SEMA6D: variants seen among roughly 807,000 people sequenced by gnomAD.
SEMA6D encodes semaphorin-6D.
A neutral mutation model predicts 106.6 loss-of-function variants in SEMA6D; 35 were observed. That is an observed-to-expected ratio of 0.33 (90% CI 0.25 to 0.44). The LOEUF is 0.44. Among genes scored for constraint, SEMA6D ranks in the 20% least tolerant of loss-of-function variants. SEMA6D has a pLI of 1.00. For missense variants in SEMA6D, 1,185 were observed against 1,345.9 expected (o/e 0.88, Z 1.87); for synonymous variants, 499 against 487.7 (o/e 1.02, Z -0.31).
At chr15:47,489,947 C>A (rs939099793) in intron 3 of SEMA6D, among the ~76,000 whole-genome samples, 2 of 151,998 alleles carry the variant, frequency 1.3e-5, no homozygotes, top group Admixed American at 6.6e-5. Context: ...CCACCACTCT[C>A]GGCTGCACAG....
intron 4 of SEMA6D, among the ~76,000 whole-genome samples, chr15:47,629,477 G>A (rs2077258658): frequency 6.6e-6 from 1 of 151,840 alleles, no homozygotes; most frequent in South Asian, 2.1e-4. Flanking sequence ...ATATTTATCA[G>A]TACATGTGAG....
intron 1 of SEMA6D, among the ~76,000 whole-genome samples, chr15:47,322,281 T>TA (rs911464620): frequency 3.4e-5 from 5 of 146,260 alleles, no homozygotes; most frequent in African/African-American, 7.4e-5. Context: ...CACTAGTTAT[T>TA]TTTTTTTTTT....
intron 4 of SEMA6D, among the ~76,000 whole-genome samples, chr15:47,681,795 A>C (rs2078358298): frequency 6.6e-6 from 1 of 152,208 alleles, no homozygotes; most frequent in South Asian, 2.1e-4. Flanking sequence ...AACATTGTGA[A>C]ATAAAAAGTA....
chr15:47,617,994 C>T (rs1413343486), intron 4 of SEMA6D, among the ~76,000 whole-genome samples: 2 of 152,150 alleles, frequency 1.3e-5, no homozygotes, highest in African/African-American at 2.4e-5. Context: ...AGTTGATTCT[C>T]AAGGTTAATG....
intron 1 of SEMA6D, among the ~76,000 whole-genome samples, chr15:47,285,125 A>C (rs17357671): frequency 0.012 from 1,822 of 152,296 alleles, 33 homozygotes; most frequent in Admixed American, 0.013. Context: ...AGGCTGGCTC[A>C]CCATTTGAGC....
intron 3 of SEMA6D, among the ~76,000 whole-genome samples, chr15:47,481,633 C>G (rs896165898): frequency 6.6e-6 from 1 of 152,148 alleles, no homozygotes; most frequent in Non-Finnish European, 1.5e-5. Context: ...CTCCAACTCA[C>G]AAGTCCATTG....
chr15:47,207,991 G>GCGCA (rs1187419636), intron 1 of SEMA6D, among the ~76,000 whole-genome samples: 1 of 122,894 alleles, frequency 8.1e-6, no homozygotes, highest in African/African-American at 3.1e-5. Flanking sequence ...ACTGGCGCGC[G>GCGCA]CGCACACACA....
chr15:47,413,931 AG>A, intron 2 of SEMA6D, among the ~76,000 whole-genome samples: 1 of 152,272 alleles, frequency 6.6e-6, no homozygotes, highest in East Asian at 1.9e-4. Flanking sequence ...GAATTTCTGA[AG>A]GATGTATTTT....
At chr15:47,566,006 A>G (rs977987426) in intron 3 of SEMA6D, among the ~76,000 whole-genome samples, 6 of 152,238 alleles carry the variant, frequency 3.9e-5, no homozygotes, top group South Asian at 2.1e-4. Flanking sequence ...ATGTAATAAA[A>G]GAAGCACTTA....
chr15:47,251,910 T>TAAAAAAATTATTATTGAGTGTTGCGA (rs1461277789), intron 1 of SEMA6D, among the ~76,000 whole-genome samples: 14 of 129,744 alleles, frequency 1.1e-4, no homozygotes, highest in African/African-American at 4.2e-4. Context: ...TAATTGGATT[T>TAAAAAAATTATTATTGAGTGTTGCGA]TTTTTTTTTT....
chr15:47,329,977 A>C (rs1433513094), intron 1 of SEMA6D, among the ~76,000 whole-genome samples: 3 of 152,210 alleles, frequency 2.0e-5, no homozygotes, highest in African/African-American at 7.2e-5. Context: ...TGACAGATTA[A>C]AACCGTGCTA....
At chr15:47,758,443 GA>G (rs138111102) in intron 1 of SEMA6D, among the ~76,000 whole-genome samples, 5,138 of 152,152 alleles carry the variant, frequency 0.034, 303 homozygotes, top group African/African-American at 0.12. Context: ...AGTTTTGGTT[GA>G]GGGGGGGGTG....
intron 4 of SEMA6D, among the ~76,000 whole-genome samples, chr15:47,702,942 C>G (rs2078843036): frequency 1.3e-5 from 2 of 152,046 alleles, no homozygotes; most frequent in Admixed American, 1.3e-4. Context: ...GGATACGTGT[C>G]ATTATGCATT....
rs2082701346 is a variant in SEMA6D, at chr15:47,773,071, A to G, written c.*1286A>G. On this transcript the variant is annotated 3_prime_UTR_variant, in exon 19 of 19. Transcript: ENST00000536845. ...CATGTGAGTTTACCTGAATCTGTGC[A>G]TTTTGTGCCTTATTCATGAGAATGA... 1 of 152,540 alleles carries G rather than the reference A, an allele frequency of 6.6e-6. No homozygotes were observed. Among genetic ancestry groups the G allele is most frequent in the South Asian group, 2.1e-4 (1 of 4,818 alleles). The allele number at this position is 152,540 out of a possible 1,614,324, so 9.4% of individuals were successfully genotyped here. A position where few individuals can be genotyped will look rare whatever the true frequency, so the allele number is the denominator to read the frequency against.
intron 1 of SEMA6D, among the ~76,000 whole-genome samples, chr15:47,211,418 A>G (rs189513537): frequency 1.4e-3 from 207 of 152,248 alleles, no homozygotes; most frequent in Middle Eastern, 6.8e-3. Flanking sequence ...ATGAGGATAT[A>G]TTTTCCTGGT....
At chr15:47,489,400 T>C (rs1214760112) in intron 3 of SEMA6D, among the ~76,000 whole-genome samples, 1 of 152,208 alleles carries the variant, frequency 6.6e-6, no homozygotes, top group Admixed American at 6.5e-5. Context: ...AGACATTTTT[T>C]CCTTTTCTTT....
chr15:47,593,887 CACCACCAA>C (rs2076489364), intron 3 of SEMA6D, among the ~76,000 whole-genome samples: 1 of 152,162 alleles, frequency 6.6e-6, no homozygotes, highest in Non-Finnish European at 1.5e-5. Context: ...ATCACAAGAA[CACCACCAA>C]GGGGATGGTG....
chr15:47,761,672 A>G lies in SEMA6D; in HGVS notation c.459A>G (p.Leu153=), dbSNP rs1224381001. 5 of 1,612,776 alleles carry G rather than the reference A, an allele frequency of 3.1e-6. No homozygotes were observed. The highest frequency in any genetic ancestry group is 4.2e-6 in the Non-Finnish European group (5 of 1,179,318). Residue 153 remains leucine (L), a synonymous_variant, in exon 7 of 19, where the codon TTA becomes TTG. Transcript: ENST00000536845. ...CTTTTCTTTTGTAGTTGAGTACCTT[A>G]GAATATGATGGGGAAGAAATTAGTG... ...PMCRYYRLST[L]EYDGEEISGL...
intron 3 of SEMA6D, among the ~76,000 whole-genome samples, chr15:47,483,855 C>G (rs766194384): frequency 2.6e-5 from 4 of 152,002 alleles, no homozygotes; most frequent in Non-Finnish European, 4.4e-5. Flanking sequence ...TCAACTCTTC[C>G]CCTCTCTTAT....
Sources: allele counts gnomAD v4.1 joint callset (sites outside exome capture counted in the v4.1 genomes callset), GRCh38; gene constraint gnomAD v4.1.1; transcripts MANE v1.5; gene names NCBI Gene and HGNC (gene_info 2026-07-23, HGNC 2026-07-21).